The following ADARB2 variants were observed in gnomAD, a reference collection of about 807,000 sequenced individuals.
The protein encoded by ADARB2 is adenosine deaminase RNA specific B2 (inactive).
A neutral mutation model predicts 62.2 loss-of-function variants in ADARB2; 25 were observed. That is an observed-to-expected ratio of 0.40 (90% CI 0.29 to 0.56). ADARB2 has a LOEUF of 0.56. ADARB2 is among the 20% of genes least tolerant of loss of function. The probability of loss-of-function intolerance (pLI) is 0.43; values close to 1 mark genes in which losing one functional copy is unlikely to be tolerated. For missense variants in ADARB2, 1,071 were observed against 1,077.4 expected (o/e 0.99, Z 0.08); for synonymous variants, 572 against 500.8 (o/e 1.14, Z -1.90).
chr10:1,545,935 C>G (rs375302135), intron 1 of ADARB2, among the ~76,000 whole-genome samples: 1 of 152,158 alleles, frequency 6.6e-6, no homozygotes, highest in East Asian at 1.9e-4. Flanking sequence ...AGAAATGGAC[C>G]CTTCTGGTCT....
intron 1 of ADARB2, among the ~76,000 whole-genome samples, chr10:1,469,861 A>G (rs1265254895): frequency 1.3e-5 from 2 of 152,272 alleles, no homozygotes; most frequent in African/African-American, 4.8e-5. Flanking sequence ...TTTCAAAATC[A>G]TAGAATGAAT....
At chr10:1,561,785 T>C (rs974907988) in intron 1 of ADARB2, among the ~76,000 whole-genome samples, 2 of 152,126 alleles carry the variant, frequency 1.3e-5, no homozygotes, top group South Asian at 4.1e-4. Flanking sequence ...TCCTTGGCAC[T>C]CAGGATCCTC....
chr10:1,536,564 G>T (rs567911673), intron 1 of ADARB2, among the ~76,000 whole-genome samples: 2 of 152,166 alleles, frequency 1.3e-5, no homozygotes, highest in East Asian at 3.9e-4. Flanking sequence ...GGCACCGGAC[G>T]GTGGCCGCCT....
chr10:1,598,350 A>C (rs1400556814), intron 1 of ADARB2, among the ~76,000 whole-genome samples: 1 of 152,346 alleles, frequency 6.6e-6, no homozygotes, highest in South Asian at 2.1e-4. Flanking sequence ...AGGTGGGTGC[A>C]CTAAACCCAG....
intron 3 of ADARB2, chr10:1,291,695 G>A (rs1022978412): frequency 2.6e-5 from 4 of 152,226 alleles, no homozygotes; most frequent in South Asian, 2.1e-4. Context: ...CACCTCGGCC[G>A]GGTGAAGTTT....
intron 3 of ADARB2, among the ~76,000 whole-genome samples, chr10:1,335,531 T>C (rs948566561): frequency 1.3e-5 from 2 of 148,292 alleles, no homozygotes; most frequent in Non-Finnish European, 3.0e-5. Context: ...GGATGGAGGG[T>C]TGGAGGGAGG....
At chr10:1,633,814 G>A (rs1833879825) in intron 1 of ADARB2, among the ~76,000 whole-genome samples, 1 of 152,168 alleles carries the variant, frequency 6.6e-6, no homozygotes, top group Admixed American at 6.5e-5. Flanking sequence ...GTTTGAGCAG[G>A]CCCAGGGACT....
At chr10:1,234,723 C>T (rs548259412) in intron 5 of ADARB2, among the ~76,000 whole-genome samples, 10 of 133,266 alleles carry the variant, frequency 7.5e-5, no homozygotes, top group South Asian at 2.7e-4. Flanking sequence ...ATTACAGGTG[C>T]GAGCGACCAT....
At chr10:1,269,980 C>A (rs1014197701) in intron 4 of ADARB2, among the ~76,000 whole-genome samples, 1 of 152,196 alleles carries the variant, frequency 6.6e-6, no homozygotes, top group Non-Finnish European at 1.5e-5. Context: ...GTTTATAAAG[C>A]AACTTTACCT....
intron 1 of ADARB2, among the ~76,000 whole-genome samples, chr10:1,386,096 T>A (rs183873408): frequency 6.6e-6 from 1 of 152,150 alleles, no homozygotes; most frequent in African/African-American, 2.4e-5. Context: ...TTTCTTCCTT[T>A]GATCATGAGG....
chr10:1,289,064 G>A (rs1285501860), intron 3 of ADARB2, among the ~76,000 whole-genome samples: 3 of 152,124 alleles, frequency 2.0e-5, no homozygotes, highest in South Asian at 2.1e-4. Context: ...ACCTGAGTCC[G>A]ATGAGAAACA....
intron 1 of ADARB2, among the ~76,000 whole-genome samples, chr10:1,571,159 G>A (rs1032927552): frequency 2.6e-5 from 4 of 152,260 alleles, no homozygotes; most frequent in Admixed American, 1.3e-4. Context: ...CCACTCTAAA[G>A]TCTTTTCTTG....
chr10:1,478,230 G>A (rs1831425837), intron 1 of ADARB2, among the ~76,000 whole-genome samples: 1 of 152,158 alleles, frequency 6.6e-6, no homozygotes, highest in Non-Finnish European at 1.5e-5. Flanking sequence ...TCATGTCTCA[G>A]TAAAACTCTG....
intron 8 of ADARB2, among the ~76,000 whole-genome samples, chr10:1,196,801 T>G (rs1836917601): frequency 6.6e-6 from 1 of 152,194 alleles, no homozygotes; most frequent in African/African-American, 2.4e-5. Context: ...GGGGTCTGGC[T>G]ATGTTGGCCA....
intron 4 of ADARB2, among the ~76,000 whole-genome samples, chr10:1,262,199 G>A (rs749322820): frequency 1.4e-5 from 2 of 145,448 alleles, no homozygotes; most frequent in African/African-American, 5.3e-5. Flanking sequence ...GCTAGATGAC[G>A]AGTTAGTGGG....
At position 1,680,840 on chromosome 10, in the gene ADARB2, T is replaced by A. The variant is rs563312399; in HGVS notation, c.100+56211A>T. 4.7e-4 allele frequency among the ~76,000 whole-genome samples: 72 copies of A among 152,284 alleles called. 1 individual carries two copies. The highest frequency in any genetic ancestry group is 1.7e-3 in the African/African-American group (71 of 41,550). ...GGGGTGAGTTTTCAGGACACACACA[T>A]ACACTTGAAAAATAAAAACTCTCCT... On this transcript the variant is annotated intron_variant, in intron 1 of 9. Transcript: ENST00000381312.
chr10:1,184,083 G>C (rs1403235262), intron 9 of ADARB2, among the ~76,000 whole-genome samples: 1 of 152,194 alleles, frequency 6.6e-6, no homozygotes, highest in South Asian at 2.1e-4. Context: ...AGGATGCTGG[G>C]CGTCTCGGCC....
chr10:1,631,413 C>T (rs182749495), intron 1 of ADARB2, among the ~76,000 whole-genome samples: 16 of 152,300 alleles, frequency 1.1e-4, no homozygotes, highest in Admixed American at 2.6e-4. Context: ...GGTGACTGGG[C>T]AGGCTCGGGC....
intron 1 of ADARB2, among the ~76,000 whole-genome samples, chr10:1,495,227 C>T (rs933027640): frequency 6.6e-6 from 1 of 152,184 alleles, no homozygotes; most frequent in African/African-American, 2.4e-5. Flanking sequence ...CATTAAAGCA[C>T]ATGGCTTTAA....
Sources: allele counts gnomAD v4.1 joint callset (sites outside exome capture counted in the v4.1 genomes callset), GRCh38; gene constraint gnomAD v4.1.1; transcripts MANE v1.5; gene names NCBI Gene and HGNC (gene_info 2026-07-23, HGNC 2026-07-21).